The following DBT variants were observed in gnomAD, a reference collection of about 807,000 sequenced individuals.
DBT encodes dihydrolipoamide branched chain transacylase E2, also known as lipoamide acyltransferase component of branched-chain alpha-keto acid dehydrogenase complex, mitochondrial.
Under a neutral mutation model 51.3 loss-of-function variants are expected in DBT, and 40 were observed. The ratio of observed to expected loss-of-function variants is 0.78; its 90% CI spans 0.61 to 1.02. DBT has a LOEUF of 1.02. DBT is among the 50% of genes least tolerant of loss of function. The pLI is 0.00. For synonymous variants in DBT, 181 were observed against 190.4 expected (o/e 0.95, Z 0.41); for missense variants, 510 against 580.2 (o/e 0.88, Z 1.24).
chr1:100,239,631 G>A (rs1664091939), intron 2 of DBT, among the ~76,000 whole-genome samples: 1 of 152,008 alleles, frequency 6.6e-6, no homozygotes, highest in African/African-American at 2.4e-5. Flanking sequence ...AGCCCTTCGG[G>A]AGGCAGAGGC....
At chr1:100,204,111 A>C (rs772132705) in intron 10 of DBT, among the ~76,000 whole-genome samples, 2 of 152,202 alleles carry the variant, frequency 1.3e-5, no homozygotes, top group Non-Finnish European at 2.9e-5. Context: ...CAGGGCAATC[A>C]GACAAGAGAA....
rs1389625197 is a variant in DBT, at chr1:100,196,044, T to C, written c.*211A>G. On this transcript the variant is annotated 3_prime_UTR_variant, in exon 11 of 11. Transcript: ENST00000370132. ...TATTAAGAAGTCACACTCTGACCTA[T>C]AAAATGTGACAGCCCCAGGAGAACC... 1 of 602,526 alleles carries C rather than the reference T, an allele frequency of 1.7e-6. No homozygotes were observed. Among genetic ancestry groups the C allele is most frequent in the Non-Finnish European group, 2.9e-6 (1 of 341,312 alleles). The allele number at this position is 602,526 out of a possible 1,614,324, so 37.3% of individuals were successfully genotyped here.
chr1:100,198,959 T>C (rs192099809), intron 10 of DBT, among the ~76,000 whole-genome samples: 1 of 152,294 alleles, frequency 6.6e-6, no homozygotes, highest in East Asian at 1.9e-4. Flanking sequence ...AACACACTCT[T>C]CTTAATGTAG....
At chr1:100,242,626 A>C (rs1379012191) in intron 1 of DBT, among the ~76,000 whole-genome samples, 2 of 152,208 alleles carry the variant, frequency 1.3e-5, no homozygotes, top group Non-Finnish European at 2.9e-5. Flanking sequence ...CCAGAAGACA[A>C]TAAAAGAATT....
intron 10 of DBT, among the ~76,000 whole-genome samples, chr1:100,203,448 G>A (rs984235726): frequency 3.3e-5 from 5 of 152,188 alleles, no homozygotes; most frequent in African/African-American, 9.6e-5. Context: ...TGAAACTGAG[G>A]TAGTAATTAA....
intron 2 of DBT, among the ~76,000 whole-genome samples, chr1:100,238,762 A>G (rs1338995067): frequency 6.6e-6 from 1 of 152,188 alleles, no homozygotes; most frequent in Non-Finnish European, 1.5e-5. Context: ...CAGAAGGAAA[A>G]GAGATTTGTA....
chr1:100,204,477 T>G (rs1661642564), intron 10 of DBT, among the ~76,000 whole-genome samples: 1 of 152,160 alleles, frequency 6.6e-6, no homozygotes, highest in African/African-American at 2.4e-5. Context: ...TGGAAAAACA[T>G]TCCATGCTCA....
intron 7 of DBT, chr1:100,213,789 A>C (rs1463093777): frequency 6.9e-7 from 1 of 1,452,546 alleles, no homozygotes; most frequent in Non-Finnish European, 9.0e-7. Context: ...GGTGGGACCG[A>C]TGTGGCACAC....
intron 7 of DBT, among the ~76,000 whole-genome samples, chr1:100,214,118 A>G (rs1411459792): frequency 6.6e-6 from 1 of 152,216 alleles, no homozygotes; most frequent in Admixed American, 6.5e-5. Context: ...AGCACTAGAA[A>G]TGATTCCCAG....
intron 10 of DBT, among the ~76,000 whole-genome samples, chr1:100,198,991 A>G (rs2100766171): frequency 6.6e-6 from 1 of 152,318 alleles, no homozygotes; most frequent in Admixed American, 6.5e-5. Context: ...TTTAATAAAC[A>G]TGGTATTGAA....
intron 5 of DBT, among the ~76,000 whole-genome samples, chr1:100,217,056 G>A (rs1305222854): frequency 6.6e-6 from 1 of 152,128 alleles, no homozygotes; most frequent in Non-Finnish European, 1.5e-5. Context: ...ACAAACAACT[G>A]TAAATGCCAC....
chr1:100,213,768 T>G (rs1315228568), intron 7 of DBT: 19 of 1,495,060 alleles, frequency 1.3e-5, no homozygotes, highest in Non-Finnish European at 1.7e-5. Context: ...CAGGACTGTT[T>G]TGTAAAGCGA....
chr1:100,249,681 G>T, intron 1 of DBT, 89 bp downstream of exon 1: 1 of 1,299,770 alleles, frequency 7.7e-7, no homozygotes, highest in Non-Finnish European at 1.1e-6. Context: ...CTGGACGCCT[G>T]GCACCGGAGG....
rs138171272 is a variant in DBT at position 100,188,957 on chromosome 1, G to A, written c.*7298C>T. The A allele has an allele frequency of 7.2e-5, 11 of 152,272 alleles. No homozygotes were observed. Among genetic ancestry groups the A allele is most frequent in the African/African-American group, 2.2e-4 (9 of 41,550 alleles). 9.4% of individuals were successfully genotyped at this position (152,272 alleles called of 1,614,324 possible). A position where few individuals can be genotyped will look rare whatever the true frequency, so the allele number is the denominator to read the frequency against. On this transcript the variant is annotated 3_prime_UTR_variant, in exon 11 of 11. Transcript: ENST00000370132. ...CTCAGTACTGAGACTGCCACATAAT[G>A]AATTTTCATTTCCATTTTATTCTGA...
At chr1:100,219,265 T>C (rs1024757667) in intron 4 of DBT, among the ~76,000 whole-genome samples, 1 of 151,996 alleles carries the variant, frequency 6.6e-6, no homozygotes, top group African/African-American at 2.4e-5. Flanking sequence ...GGTGGGAGGA[T>C]TGCTTGAGCC....
At chr1:100,220,214 T>C (rs1402836092) in intron 4 of DBT, among the ~76,000 whole-genome samples, 1 of 152,118 alleles carries the variant, frequency 6.6e-6, no homozygotes, top group Non-Finnish European at 1.5e-5. Context: ...TCTCTAGTTC[T>C]GGATTCCTGT....
intron 10 of DBT, among the ~76,000 whole-genome samples, chr1:100,198,661 ATGAG>A (rs950967035): frequency 3.5e-4 from 53 of 152,214 alleles, no homozygotes; most frequent in African/African-American, 1.3e-3. Flanking sequence ...GGAAAAGAGA[ATGAG>A]TGATAGAGAG....
intron 7 of DBT, among the ~76,000 whole-genome samples, chr1:100,212,170 A>C (rs1662187382): frequency 6.6e-6 from 1 of 152,234 alleles, no homozygotes; most frequent in African/African-American, 2.4e-5. Context: ...ACATATAAAA[A>C]TATTTGAGTA....
intron 4 of DBT, among the ~76,000 whole-genome samples, chr1:100,229,411 C>T (rs1663403665): frequency 6.6e-6 from 1 of 152,122 alleles, no homozygotes; most frequent in Non-Finnish European, 1.5e-5. Context: ...CGTGATCCAC[C>T]CACCTCGGCC....
Sources: allele counts gnomAD v4.1 joint callset (sites outside exome capture counted in the v4.1 genomes callset), GRCh38; gene constraint gnomAD v4.1.1; transcripts MANE v1.5; gene names NCBI Gene and HGNC (gene_info 2026-07-23, HGNC 2026-07-21).